Variants in CEACAM21 observed in about 807,000 individuals in gnomAD.
CEACAM21 encodes cell adhesion molecule CEACAM21.
A neutral mutation model predicts 33.2 loss-of-function variants in CEACAM21; 38 were observed. The ratio of observed to expected loss-of-function variants is 1.14; its 90% CI spans 0.88 to 1.50. The LOEUF is 1.50. Among genes scored for constraint, CEACAM21 ranks in the 40% most tolerant of loss-of-function variants. The probability of loss-of-function intolerance (pLI) is 0.00; values close to 1 mark genes in which losing one functional copy is unlikely to be tolerated. For missense variants in CEACAM21, 385 were observed against 364.6 expected, an observed-to-expected ratio of 1.06 and a Z score of -0.46; for synonymous variants, 156 against 143.0, an observed-to-expected ratio of 1.09 and a Z score of -0.65.
At chr19:41,555,960 A>G (rs1227454843) in intron 1 of CEACAM21, among the ~76,000 whole-genome samples, 1 of 152,214 alleles carries the variant, frequency 6.6e-6, no homozygotes, top group Non-Finnish European at 1.5e-5. Context: ...GTACAAAGTA[A>G]TGCCTGGTAC....
Position 41,577,245 on chromosome 19 carries a change from T to G in CEACAM21, c.110T>G (p.Phe37Cys). The G allele has an allele frequency of 6.2e-7, 1 of 1,614,096 alleles. No homozygotes were observed. Residue 37 changes from phenylalanine (F) to cysteine (C), a missense_variant, in exon 2 of 7, where the codon TTT becomes TGT. Transcript: ENST00000401445. Reference sequence around the variant, plus strand: ...AACGCACCCACCACTGCCTGGCTCTTTATTGCATCAGCGCCCTTTGAAGTT... The same window carrying G: ...AACGCACCCACCACTGCCTGGCTCTGTATTGCATCAGCGCCCTTTGAAGTT... ...FWNAPTTAWL[F>C]IASAPFEVAE...
chr19:41,576,657 A>C (rs554537717), intron 1 of CEACAM21, among the ~76,000 whole-genome samples: 28 of 152,204 alleles, frequency 1.8e-4, no homozygotes, highest in Admixed American at 4.6e-4. Flanking sequence ...CCAACCTCAG[A>C]CATTAGCAAA....
intron 1 of CEACAM21, among the ~76,000 whole-genome samples, chr19:41,561,866 G>C (rs1199110448): frequency 6.6e-6 from 1 of 152,140 alleles, no homozygotes; most frequent in Non-Finnish European, 1.5e-5. Flanking sequence ...AAGACCCTTG[G>C]GGATGTGTTT....
At chr19:41,563,812 G>A (rs1475469912) in intron 1 of CEACAM21, among the ~76,000 whole-genome samples, 1 of 152,252 alleles carries the variant, frequency 6.6e-6, no homozygotes, top group Non-Finnish European at 1.5e-5. Context: ...TCTCAGCACA[G>A]GACCTAGGCA....
chr19:41,585,621 A>C, intron 5 of CEACAM21, 126 bp downstream of exon 5: 1 of 1,184,662 alleles, frequency 8.4e-7, no homozygotes, highest in Non-Finnish European at 1.2e-6. Context: ...ATCCCATAAA[A>C]CATCACACAG....
intron 3 of CEACAM21, among the ~76,000 whole-genome samples, chr19:41,581,425 C>G (rs148076395): frequency 4.6e-5 from 7 of 152,158 alleles, no homozygotes; most frequent in Non-Finnish European, 1.0e-4. Context: ...GTTTGGGGCT[C>G]TCAGCTCTGA....
At chr19:41,584,287 C>T (rs940785293) in intron 3 of CEACAM21, 60 bp from the exon 4 acceptor site, 1 of 1,420,974 alleles carries the variant, frequency 7.0e-7, no homozygotes, top group Non-Finnish European at 9.8e-7. Flanking sequence ...CCCTGCAAGG[C>T]CCCTCATGGT....
chr19:41,561,682 A>G (rs574073339), intron 1 of CEACAM21, among the ~76,000 whole-genome samples: 112 of 152,352 alleles, frequency 7.4e-4, no homozygotes, highest in African/African-American at 2.6e-3. Flanking sequence ...AAGCTCTGCT[A>G]TTTAATATTT....
At chr19:41,585,291 C>G (rs1345324110) in intron 4 of CEACAM21, among the ~76,000 whole-genome samples, 152 bp from the exon 5 acceptor site, 3 of 152,140 alleles carry the variant, frequency 2.0e-5, no homozygotes, top group African/African-American at 7.2e-5. Flanking sequence ...CCTCAACTCC[C>G]CTCACCTGGG....
chr19:41,549,933 C>G (rs554689891), intron 1 of CEACAM21, among the ~76,000 whole-genome samples: 62 of 152,196 alleles, frequency 4.1e-4, no homozygotes, highest in African/African-American at 1.5e-3. Flanking sequence ...TGCTTATTTC[C>G]TTTATACAGT....
Position 41,576,280 on chromosome 19 carries a change from G to GC in CEACAM21, c.12dup (p.Ser5LeufsTer40). 6.2e-7 allele frequency: 1 copy of GC among 1,613,690 alleles called. No individual in the cohort carries two copies. ...CAGAGCAGGCAGCAGAGACCATGGG[G>GC]CCCCCCTCAGCTTGTCCCCACAGAG... On this transcript the variant is annotated frameshift_variant, in exon 1 of 7. Transcript: ENST00000401445. LOFTEE classifies it high-confidence loss of function.
chr19:41,570,373 C>G (rs1555789214), intron 2 of CEACAM21, among the ~76,000 whole-genome samples: 1 of 152,182 alleles, frequency 6.6e-6, no homozygotes, highest in African/African-American at 2.4e-5. Context: ...CCCACCTGCC[C>G]ATCCTCTCAC....
At chr19:41,584,610 G>C (rs1339003088) in intron 4 of CEACAM21, among the ~76,000 whole-genome samples, 167 bp downstream of exon 4, 1 of 152,012 alleles carries the variant, frequency 6.6e-6, no homozygotes, top group Non-Finnish European at 1.5e-5. Flanking sequence ...GCTGACCCTG[G>C]GCTGCTTCCT....
intron 2 of CEACAM21, 77 bp downstream of exon 2, chr19:41,577,636 G>A: frequency 6.3e-7 from 1 of 1,585,818 alleles, no homozygotes. Flanking sequence ...GGCCTGGGCT[G>A]TGCCTGCATC....
At chr19:41,584,242 C>A in intron 3 of CEACAM21, 105 bp from the exon 4 acceptor site, 1 of 927,480 alleles carries the variant, frequency 1.1e-6, no homozygotes, top group South Asian at 1.5e-5. Flanking sequence ...CACTCAGGCT[C>A]CATGGCATTT....
chr19:41,551,253 A>C (rs993679123), intron 1 of CEACAM21: 5 of 146,520 alleles, frequency 3.4e-5, no homozygotes, highest in African/African-American at 1.3e-4. Flanking sequence ...TCTGTCTCCC[A>C]GGTTTAAGTG....
At chr19:41,562,017 G>A (rs1346473390) in intron 1 of CEACAM21, among the ~76,000 whole-genome samples, 1 of 152,190 alleles carries the variant, frequency 6.6e-6, no homozygotes, top group African/African-American at 2.4e-5. Context: ...AGGCCAAAGA[G>A]GGTGGATCAC....
At chr19:41,553,886 T>C (rs1406170696) in intron 1 of CEACAM21, 2 of 152,124 alleles carry the variant, frequency 1.3e-5, no homozygotes, top group East Asian at 3.8e-4. Flanking sequence ...ACATTCTTAT[T>C]GCACTTATGC....
chr19:41,554,531 CA>C (rs2041424107), intron 1 of CEACAM21, among the ~76,000 whole-genome samples: 1 of 151,936 alleles, frequency 6.6e-6, no homozygotes, highest in South Asian at 2.1e-4. Flanking sequence ...AAATATAGCC[CA>C]AAGAAAGCTA....
Sources: gnomAD v4.1 joint callset for allele counts (sites outside exome capture counted in the v4.1 genomes callset) on GRCh38, gnomAD v4.1.1 for gene constraint, MANE v1.5 for transcripts, NCBI Gene and HGNC (gene_info 2026-07-23, HGNC 2026-07-21) for gene names.